NCOR1: variants seen among roughly 807,000 people sequenced by gnomAD.
NCOR1 encodes the protein protein phosphatase 1, regulatory subunit 109.
NCOR1 carries 63 observed loss-of-function variants against 288.1 expected under a neutral mutation model. The observed-to-expected ratio is 0.22, with a 90% CI of 0.18 to 0.27. The LOEUF (loss-of-function observed/expected upper bound fraction) is 0.27, where lower values mean the gene tolerates loss of function less well. Among genes scored for constraint, NCOR1 ranks in the 10% least tolerant of loss-of-function variants. The pLI is 1.00. For synonymous variants in NCOR1, 1,007 were observed against 1,065.9 expected, an observed-to-expected ratio of 0.94 and a Z score of 1.08; for missense variants, 2,397 against 3,019.2, an observed-to-expected ratio of 0.79 and a Z score of 4.83.
intron 1 of NCOR1, among the ~76,000 whole-genome samples, chr17:16,207,411 C>G (rs1396443477): frequency 6.6e-6 from 1 of 152,082 alleles, no homozygotes; most frequent in Non-Finnish European, 1.5e-5. Flanking sequence ...ATAAAGGTGA[C>G]TCTCATCATA....
intron 3 of NCOR1, among the ~76,000 whole-genome samples, chr17:16,181,211 A>ATGCG (rs1555787782): frequency 7.2e-6 from 1 of 139,498 alleles, no homozygotes; most frequent in Non-Finnish European, 1.5e-5. Flanking sequence ...ATATATATGT[A>ATGCG]TGTGTGTGTG....
Position 16,127,283 on chromosome 17 carries a change from GTGTATATATGTATGTATGTATATATACA to G in NCOR1, c.1510-1105_1510-1078del, listed in dbSNP as rs2074378184. ...TGTGTATATATGTATGTATATATAC[GTGTATATATGTATGTATGTATATATACA>G]TGTATGTATATATGTATGTATATAT... On this transcript the variant is annotated intron_variant, in intron 14 of 45. Transcript: ENST00000268712. Among the ~76,000 whole-genome samples the G allele has an allele frequency of 1.5e-4, 4 of 27,098 alleles. 1 individual carries two copies. The highest frequency in any genetic ancestry group is 9.9e-4 in the Admixed American group (3 of 3,030). 17.8% of individuals were successfully genotyped at this position (27,098 alleles called of 152,430 possible). A position where few individuals can be genotyped will look rare whatever the true frequency, so the allele number is the denominator to read the frequency against.
intron 35 of NCOR1, among the ~76,000 whole-genome samples, chr17:16,062,748 C>T (rs76113591): frequency 6.6e-6 from 1 of 152,236 alleles, no homozygotes; most frequent in Non-Finnish European, 1.5e-5. Flanking sequence ...CCCTGCTTCA[C>T]TTCTTCACTG....
chr17:16,185,542 G>C (rs577760646), intron 3 of NCOR1, among the ~76,000 whole-genome samples: 1 of 151,900 alleles, frequency 6.6e-6, no homozygotes, highest in Non-Finnish European at 1.5e-5. Flanking sequence ...AAGTTAGCTG[G>C]GTGTGGTGTG....
chr17:16,144,895 T>C (rs932755783), intron 10 of NCOR1, among the ~76,000 whole-genome samples: 1 of 149,294 alleles, frequency 6.7e-6, no homozygotes, highest in Non-Finnish European at 1.5e-5. Flanking sequence ...CTTCTCCCGC[T>C]TTCCACGGTC....
rs1457363760 is a variant in NCOR1, at chr17:16,053,747, G to A, written c.6392+3767C>T. 3.9e-5 allele frequency among the ~76,000 whole-genome samples: 6 copies of A among 152,032 alleles called. No homozygotes were observed. In the East Asian group the frequency reaches 5.8e-4, roughly 15 times the overall value. ...GCCTGAATAGCCAAGGCAATACTAAGCAAAAAGAACAAAGCTGTAGGTGTC... is the reference window on the plus strand; with the variant it reads ...GCCTGAATAGCCAAGGCAATACTAAACAAAAAGAACAAAGCTGTAGGTGTC... On this transcript the variant is annotated intron_variant, in intron 40 of 45. Coordinates refer to ENST00000268712, the MANE Select transcript of NCOR1 (RefSeq NM_006311.4).
intron 10 of NCOR1, 52 bp from the exon 11 acceptor site, chr17:16,143,748 A>G (rs956552486): frequency 8.4e-6 from 11 of 1,307,412 alleles, no homozygotes; most frequent in Admixed American, 4.5e-5. Flanking sequence ...ATATAAAGAC[A>G]TATCAATTAA....
intron 45 of NCOR1, among the ~76,000 whole-genome samples, 175 bp from the exon 46 acceptor site, chr17:16,032,658 A>T (rs568866446): frequency 6.6e-6 from 1 of 152,236 alleles, no homozygotes; most frequent in East Asian, 1.9e-4. Flanking sequence ...ATCCTAGCCA[A>T]TGATATATAG....
chr17:16,177,107 C>T (rs1241019241), intron 3 of NCOR1, among the ~76,000 whole-genome samples: 1 of 151,954 alleles, frequency 6.6e-6, no homozygotes, highest in African/African-American at 2.4e-5. Context: ...TATATCAAGA[C>T]TTTGTTCTAA....
At chr17:16,149,049 C>G (rs1051959396) in intron 9 of NCOR1, among the ~76,000 whole-genome samples, 2 of 151,938 alleles carry the variant, frequency 1.3e-5, no homozygotes, top group African/African-American at 4.8e-5. Context: ...TTTGAAAAAG[C>G]TGAACCCTAG....
intron 25 of NCOR1, 110 bp downstream of exon 25, chr17:16,080,298 A>C (rs2063204218): frequency 3.0e-6 from 3 of 1,009,272 alleles, no homozygotes; most frequent in Non-Finnish European, 4.2e-6. Context: ...CAAATTTAGA[A>C]TTTAAAGACT....
chr17:16,196,052 ACTTT>A (rs1436222752), intron 1 of NCOR1, among the ~76,000 whole-genome samples: 1 of 150,928 alleles, frequency 6.6e-6, no homozygotes. Flanking sequence ...ATACTCTCTT[ACTTT>A]AAGACAGGAG....
At chr17:16,061,963 GA>G (rs2060589694) in intron 36 of NCOR1, 69 bp from the exon 37 acceptor site, 1 of 1,565,128 alleles carries the variant, frequency 6.4e-7, no homozygotes, top group Non-Finnish European at 8.6e-7. Flanking sequence ...TGGGGAGATG[GA>G]AGGACAAACT....
At chr17:16,098,265 C>CA in intron 21 of NCOR1, 102 bp downstream of exon 21, 1 of 1,137,116 alleles carries the variant, frequency 8.8e-7, no homozygotes, top group Non-Finnish European at 1.3e-6. Flanking sequence ...TGTTTTGTAC[C>CA]ACTATTTTTT....
At chr17:16,094,155 C>T (rs1340955591) in intron 21 of NCOR1, among the ~76,000 whole-genome samples, 1 of 152,084 alleles carries the variant, frequency 6.6e-6, no homozygotes, top group Non-Finnish European at 1.5e-5. Flanking sequence ...CCACCCACCT[C>T]GGCCTCCCAA....
intron 23 of NCOR1, chr17:16,084,193 GA>G: frequency 6.4e-6 from 1 of 157,478 alleles, no homozygotes; most frequent in Non-Finnish European, 1.4e-5. Context: ...AGTAACTATT[GA>G]AAGGAGCAAG....
intron 14 of NCOR1, among the ~76,000 whole-genome samples, chr17:16,134,107 T>C (rs2076051825): frequency 6.6e-6 from 1 of 152,220 alleles, no homozygotes; most frequent in Non-Finnish European, 1.5e-5. Flanking sequence ...CAGTGGCTTC[T>C]TCTCTCACCT....
At chr17:16,204,613 T>C (rs1398730594) in intron 1 of NCOR1, among the ~76,000 whole-genome samples, 1 of 152,190 alleles carries the variant, frequency 6.6e-6, no homozygotes, top group Non-Finnish European at 1.5e-5. Context: ...CCTCGCTTTG[T>C]TTTTCTAGTT....
At chr17:16,197,213 C>T (rs2090007119) in intron 1 of NCOR1, among the ~76,000 whole-genome samples, 3 of 148,914 alleles carry the variant, frequency 2.0e-5, no homozygotes, top group South Asian at 2.1e-4. Flanking sequence ...CCCAGCTGCT[C>T]GGGAGGCTGA....
Sources: allele counts gnomAD v4.1 joint callset (sites outside exome capture counted in the v4.1 genomes callset), GRCh38; gene constraint gnomAD v4.1.1; transcripts MANE v1.5; gene names NCBI Gene and HGNC (gene_info 2026-07-23, HGNC 2026-07-21).